The following ZC3H4 variants were observed in gnomAD, a reference collection of about 807,000 sequenced individuals.
The protein encoded by ZC3H4 is zinc finger CCCH-type containing 4.
ZC3H4 carries 13 observed loss-of-function variants against 108.3 expected under a neutral mutation model. The observed-to-expected ratio is 0.12, with a 90% CI of 0.08 to 0.19. The LOEUF is 0.19. Among genes scored for constraint, ZC3H4 ranks in the 10% least tolerant of loss-of-function variants. The pLI, the probability that ZC3H4 is intolerant of heterozygous loss-of-function variation, is 1.00. For missense variants in ZC3H4, 1,734 were observed against 1,838.8 expected, an observed-to-expected ratio of 0.94 and a Z score of 1.04; for synonymous variants, 917 against 749.6, an observed-to-expected ratio of 1.22 and a Z score of -3.65.
At chr19:47,085,237 T>TCCC in intron 7 of ZC3H4, 42 bp from the exon 8 acceptor site, 25 of 812,778 alleles carry the variant, frequency 3.1e-5, no homozygotes, top group Middle Eastern at 2.7e-4. Flanking sequence ...GACCACCCCC[T>TCCC]CCCCCACCCC....
At chr19:47,080,653 AC>A (rs2057504036) in intron 11 of ZC3H4, among the ~76,000 whole-genome samples, 1 of 132,156 alleles carries the variant, frequency 7.6e-6, no homozygotes, top group South Asian at 2.4e-4. Context: ...GTGCCACAAT[AC>A]CTGGCTAATT....
intron 2 of ZC3H4, among the ~76,000 whole-genome samples, chr19:47,111,857 A>G (rs2058043697): frequency 6.6e-6 from 1 of 152,098 alleles, no homozygotes; most frequent in South Asian, 2.1e-4. Context: ...CTATCATCCA[A>G]GTAGGACAGG....
At chr19:47,094,699 G>C in intron 2 of ZC3H4, 91 bp from the exon 3 acceptor site, 1 of 1,353,880 alleles carries the variant, frequency 7.4e-7, no homozygotes, top group Non-Finnish European at 1.0e-6. Context: ...AGGAACCGAA[G>C]GCCTGACTGC....
rs1320080327 is a variant in ZC3H4, at chr19:47,067,743, C to A, written c.2525G>T (p.Ser842Ile). The A allele has an allele frequency of 1.2e-6, 2 of 1,608,636 alleles. No individual in the cohort carries two copies. Among genetic ancestry groups the A allele is most frequent in the Admixed American group, 3.4e-5 (2 of 59,594 alleles). The part of the protein sequence containing the change: ...PPASVGELSS[S>I]GLGDPRLQKG... ...CTGGAGGCGGGGGTCCCCCAGCCCA[C>A]TGCTGCTCAGCTCCCCAACTGAAGC... Residue 842 changes from serine to isoleucine, a missense_variant, in exon 15 of 15, where the codon AGT becomes ATT. Physicochemically the swap from Ser to Ile is moderately radical, Grantham distance 142. Transcript: ENST00000253048. This position sits in a 1 kb window ranked among gnomAD's most constrained non-coding sequence, Gnocchi z 6.4.
At chr19:47,102,432 A>C (rs2057915387) in intron 2 of ZC3H4, among the ~76,000 whole-genome samples, 1 of 152,234 alleles carries the variant, frequency 6.6e-6, no homozygotes, top group Non-Finnish European at 1.5e-5. Context: ...AGACTTCATG[A>C]ATCAGTATTC....
chr19:47,071,811 T>C lies in ZC3H4; in HGVS notation c.2113A>G (p.Met705Val), dbSNP rs1220123542. Residue 705 changes from methionine (M) to valine (V), a missense_variant, in exon 13 of 15, where the codon ATG (methionine) becomes GTG (valine). Physicochemically the swap from Met to Val is conservative, Grantham distance 21. Coordinates refer to ENST00000253048, the MANE Select transcript of ZC3H4 (RefSeq NM_015168.2). ...YENFYQQQEG[M>V]EMEPGLLGDA... ...CCCAGGAGTCCGGGCTCCATCTCCA[T>C]GCCCTCCTGCTGCTGGTAGAAGTTT... 2 of 1,613,228 alleles carry C rather than the reference T, an allele frequency of 1.2e-6. No individual in the cohort carries two copies. Among genetic ancestry groups the C allele is most frequent in the Middle Eastern group, 1.7e-4 (1 of 6,056 alleles).
chr19:47,088,148 G>A (rs2057664639), intron 5 of ZC3H4, among the ~76,000 whole-genome samples: 1 of 152,066 alleles, frequency 6.6e-6, no homozygotes, highest in Admixed American at 6.6e-5. Context: ...ACTGCAGACT[G>A]GGCAACAGAG....
chr19:47,086,680 T>C (rs2057634565), intron 5 of ZC3H4, 142 bp from the exon 6 acceptor site: 1 of 1,418,498 alleles, frequency 7.0e-7, no homozygotes. Context: ...CCAAGAAGCC[T>C]TCCTAGATGC....
chr19:47,066,862 C>T lies in ZC3H4; in HGVS notation c.3406G>A (p.Gly1136Arg). The change falls in exon 15 of 15, where the codon GGG becomes AGG. Residue 1136 changes from glycine to arginine, a missense_variant. Gly to Arg is a moderately radical substitution (Grantham distance 125, BLOSUM62 -2). Transcript: ENST00000253048. ...LAAGGLGQGG[G>R]GGQSSVLSGI... ...CTCAGCACACTGCTCTGCCCGCCCC[C>T]TCCGCCCTGGCCCAGTCCACCGGCC... 6.3e-7 allele frequency: 1 copy of T among 1,598,870 alleles called. No homozygotes were observed.
intron 9 of ZC3H4, among the ~76,000 whole-genome samples, chr19:47,082,894 C>T (rs2057548768): frequency 6.6e-6 from 1 of 152,186 alleles, no homozygotes; most frequent in East Asian, 1.9e-4. Flanking sequence ...TCCGGTTGAA[C>T]ACAGTCTCAA....
rs1399496818 is a variant in ZC3H4, at chr19:47,084,431, T to G, written c.1132A>C (p.Ser378Arg). The G allele has an allele frequency of 7.4e-6, 12 of 1,614,104 alleles. No individual in the cohort carries two copies. The East Asian group carries it at 2.7e-4, about 36-fold the overall frequency. The change falls in exon 9 of 15, where the codon AGT becomes CGT. Residue 378 changes from serine (S) to arginine (R), a missense_variant. By Grantham distance (110) the Ser-to-Arg change is moderately radical. Transcript: ENST00000253048. The part of the protein sequence containing the change: ...MGDGGGGSYR[S>R]RDHDKPHQQS... The stretch of plus-strand genomic sequence containing the variant: ...TGGTGGGGCTTGTCATGGTCACGAC[T>G]CCGGTAGCTTCCACCACCACCGTCC...
intron 4 of ZC3H4, among the ~76,000 whole-genome samples, chr19:47,092,137 C>T (rs532534596): frequency 2.4e-4 from 36 of 149,960 alleles, no homozygotes; most frequent in African/African-American, 7.9e-4. Flanking sequence ...CCAGGGAGCT[C>T]GAGGCTGCAG....
chr19:47,111,997 C>A lies in ZC3H4; in HGVS notation c.161+427G>T, dbSNP rs913958074. Among the ~76,000 whole-genome samples the A allele has an allele frequency of 2.6e-5, 4 of 152,112 alleles. No homozygotes were observed. The East Asian group carries it at 7.8e-4, about 29-fold the overall frequency. ...GGAGCCCCTCCCCCATCCCCTTCCC[C>A]GAAGCCAGGCGACGGGCAAGCGGGC... On this transcript the variant is annotated intron_variant, in intron 2 of 14. Coordinates refer to ENST00000253048, the MANE Select transcript of ZC3H4 (RefSeq NM_015168.2).
At chr19:47,070,163 C>A (rs1251768321) in intron 13 of ZC3H4, among the ~76,000 whole-genome samples, 1 of 152,052 alleles carries the variant, frequency 6.6e-6, no homozygotes, top group African/African-American at 2.4e-5. Context: ...CAGTGCTGCC[C>A]CACAGAACGC....
intron 2 of ZC3H4, among the ~76,000 whole-genome samples, chr19:47,105,077 G>GA (rs2057951530): frequency 6.6e-6 from 1 of 152,162 alleles, no homozygotes. Flanking sequence ...GTGGACTGAG[G>GA]AAACAGTTAA....
Position 47,094,461 on chromosome 19 carries a change from C to T in ZC3H4, c.309G>A (p.Leu103=). The part of the protein sequence containing the change: ...DSDEEKSHRR[L]KRKRKKEREK... Reference sequence around the variant, plus strand: ...CCCGCTCTTTCTTCCGTTTCCGCTTCAGTCTCCTGTGGGACTTCTCCTCAT... The same window carrying T: ...CCCGCTCTTTCTTCCGTTTCCGCTTTAGTCTCCTGTGGGACTTCTCCTCAT... The change falls in exon 3 of 15, where the codon CTG becomes CTA. Residue 103 remains leucine, a synonymous_variant. Coordinates refer to ENST00000253048, the MANE Select transcript of ZC3H4 (RefSeq NM_015168.2). The T allele has an allele frequency of 2.5e-6, 4 of 1,614,242 alleles. No individual in the cohort carries two copies. Among genetic ancestry groups the T allele is most frequent in the Middle Eastern group, 1.6e-4 (1 of 6,062 alleles).
rs765998036 is a variant in ZC3H4, at chr19:47,112,528, TGGCGGCGGCGGC to T, written c.45_56del (p.Pro16_Pro19del). On this transcript the variant is annotated inframe_deletion, in exon 2 of 15. Coordinates refer to ENST00000253048, the MANE Select transcript of ZC3H4 (RefSeq NM_015168.2). ...AAGGCGTTGATGGCGGCGGCGGCGATGGCGGCGGCGGCGACTCTGATGGCGGCGGCGGGGGGG... is the reference window on the plus strand; with the variant it reads ...AAGGCGTTGATGGCGGCGGCGGCGATGACTCTGATGGCGGCGGCGGGGGGG... 7.5e-5 allele frequency: 80 copies of T among 1,066,718 alleles called. No homozygotes were observed. The highest frequency in any genetic ancestry group is 2.3e-5 in the Non-Finnish European group (19 of 833,204). 66.1% of individuals were successfully genotyped at this position (1,066,718 alleles called of 1,614,324 possible).
rs2057185380 is a variant in ZC3H4, at chr19:47,065,849, A to T, written c.*507T>A. 1 of 152,882 alleles carries T rather than the reference A, an allele frequency of 6.5e-6. No homozygotes were observed. The highest frequency in any genetic ancestry group is 1.5e-5 in the Non-Finnish European group (1 of 68,538). The allele number at this position is 152,882 out of a possible 1,614,324, so 9.5% of individuals were successfully genotyped here. On this transcript the variant is annotated 3_prime_UTR_variant, in exon 15 of 15. Coordinates refer to ENST00000253048, the MANE Select transcript of ZC3H4 (RefSeq NM_015168.2). Reference sequence around the variant, plus strand: ...TACAGCCTGCACTGAAAAGACAGTGATGGTGCACCCTAGGGTTCTAGAAAC... The same window carrying T: ...TACAGCCTGCACTGAAAAGACAGTGTTGGTGCACCCTAGGGTTCTAGAAAC...
intron 5 of ZC3H4, among the ~76,000 whole-genome samples, chr19:47,087,828 G>A: frequency 6.6e-6 from 1 of 151,018 alleles, no homozygotes; most frequent in East Asian, 2.0e-4. Context: ...GAGCCAACAT[G>A]GTGCCACTGC....
Sources: allele counts gnomAD v4.1 joint callset (sites outside exome capture counted in the v4.1 genomes callset), GRCh38; gene constraint gnomAD v4.1.1; non-coding constraint Gnocchi (gnomAD v3.1); transcripts MANE v1.5; gene names NCBI Gene and HGNC (gene_info 2026-07-23, HGNC 2026-07-21).